RAD21: variants seen among roughly 807,000 people sequenced by gnomAD.
RAD21 encodes double-strand-break repair protein rad21 homolog.
In RAD21, 18 loss-of-function variants were observed where a neutral mutation model predicts 71.5. That is an observed-to-expected ratio of 0.25 (90% CI 0.17 to 0.37). The LOEUF (loss-of-function observed/expected upper bound fraction) is 0.37, where lower values mean the gene tolerates loss of function less well. Ranked by LOEUF, RAD21 falls within the 10% of genes least tolerant of loss-of-function variation. The pLI is 1.00. For missense variants in RAD21, 493 were observed against 769.1 expected (o/e 0.64, Z 4.25); for synonymous variants, 248 against 254.0 (o/e 0.98, Z 0.22).
intron 3 of RAD21, 49 bp from the exon 4 acceptor site, chr8:116,861,989 T>C (rs1292149308): frequency 2.8e-6 from 4 of 1,422,954 alleles, no homozygotes; most frequent in East Asian, 2.3e-5. Flanking sequence ...ATAAATTATC[T>C]AGGGATCAGA....
intron 1 of RAD21, among the ~76,000 whole-genome samples, chr8:116,873,394 C>T (rs1300380340): frequency 6.6e-6 from 1 of 152,142 alleles, no homozygotes; most frequent in Non-Finnish European, 1.5e-5. Context: ...AATTAGTTGC[C>T]TCCGACATTA....
chr8:116,861,082 A>G (rs931833852), intron 4 of RAD21, among the ~76,000 whole-genome samples: 13 of 152,162 alleles, frequency 8.5e-5, no homozygotes, highest in Non-Finnish European at 2.9e-5. Flanking sequence ...AAAGAGAGAA[A>G]AAAGTAAAAT....
rs943600679 is a variant in RAD21, at chr8:116,874,740, C to A, written c.-162G>T. ...GAGCAGCTCCCGCCGCCGCCACAGC[C>A]GGCGCCTCCTTTCCGATTCACTCAA... On this transcript the variant is annotated 5_prime_UTR_variant, in exon 1 of 14. Transcript: ENST00000297338. 64 of 454,344 alleles carry A rather than the reference C, an allele frequency of 1.4e-4. No homozygotes were observed. Among genetic ancestry groups the A allele is most frequent in the Non-Finnish European group, 2.4e-4 (54 of 225,712 alleles). The allele number at this position is 454,344 out of a possible 1,614,324, so 28.1% of individuals were successfully genotyped here. A position where few individuals can be genotyped will look rare whatever the true frequency, so the allele number is the denominator to read the frequency against.
At chr8:116,849,983 C>T (rs1166957336) in intron 12 of RAD21, among the ~76,000 whole-genome samples, 1 of 152,018 alleles carries the variant, frequency 6.6e-6, no homozygotes, top group Admixed American at 6.6e-5. Context: ...GAGTATCAAA[C>T]AGAAGAATAA....
intron 1 of RAD21, among the ~76,000 whole-genome samples, chr8:116,873,217 T>C (rs963213994): frequency 6.6e-6 from 1 of 152,212 alleles, no homozygotes; most frequent in Non-Finnish European, 1.5e-5. Context: ...AGAATTTGTA[T>C]GTTTCACAAA....
In RAD21 at chr8:116,846,294, T is replaced by A. The variant is rs189612341; in HGVS notation, c.*1206A>T. 1.0e-3 allele frequency: 224 copies of A among 218,086 alleles called. No individual in the cohort carries two copies. The East Asian group carries it at 0.014, about 13-fold the overall frequency. 13.5% of individuals were successfully genotyped at this position (218,086 alleles called of 1,614,324 possible). A position where few individuals can be genotyped will look rare whatever the true frequency, so the allele number is the denominator to read the frequency against. ...ACTGAAGTCTGAGTTTCAAAAGTGA[T>A]TTTTTTTTCCCACAAAAGTTTCAAC... is the stretch of plus-strand genomic sequence containing the variant. On this transcript the variant is annotated 3_prime_UTR_variant, in exon 14 of 14. Transcript: ENST00000297338.
intron 11 of RAD21, 47 bp downstream of exon 11, chr8:116,851,901 T>TGTATGAAG (rs1812356537): frequency 6.4e-7 from 1 of 1,553,376 alleles, no homozygotes; most frequent in Non-Finnish European, 8.8e-7. Flanking sequence ...TGCTACTGAC[T>TGTATGAAG]GTATGAATAC....
chr8:116,866,500 T>TA, intron 2 of RAD21, 86 bp downstream of exon 2: 1 of 1,324,860 alleles, frequency 7.5e-7, no homozygotes, highest in South Asian at 1.6e-5. Context: ...CCAATGCCCC[T>TA]ACCTAAAAAA....
At position 116,856,209 on chromosome 8, in the gene RAD21, T is replaced by C. The variant is rs1310377476; in HGVS notation, c.894A>G (p.Pro298=). The change falls in exon 8 of 14, where the codon CCA becomes CCG. Residue 298 remains proline, a synonymous_variant. Transcript: ENST00000297338. ...CCAATGCAAATGCTTCTTCCTCATT[T>C]GGAACAAGTGTTGTTTGATCAGTCA... ...PTMTDQTTLV[P]NEEEAFALEP... 1 of 1,609,176 alleles carries C rather than the reference T, an allele frequency of 6.2e-7. No individual in the cohort carries two copies. The highest frequency in any genetic ancestry group is 2.2e-5 in the East Asian group (1 of 44,572).
At chr8:116,849,969 G>A (rs1452478266) in intron 12 of RAD21, among the ~76,000 whole-genome samples, 2 of 151,876 alleles carry the variant, frequency 1.3e-5, no homozygotes. Flanking sequence ...TAACATATCC[G>A]ATAGAGTATC....
intron 13 of RAD21, among the ~76,000 whole-genome samples, chr8:116,848,345 A>G (rs1438000023): frequency 6.6e-6 from 1 of 152,252 alleles, no homozygotes; most frequent in Non-Finnish European, 1.5e-5. Context: ...TTGTTCTGAC[A>G]TGTATTATTA....
chr8:116,856,782 G>C lies in RAD21; in HGVS notation c.689-11C>G, dbSNP rs978613130. 6.7e-7 allele frequency: 1 copy of C among 1,489,962 alleles called. No homozygotes were observed. Among genetic ancestry groups the C allele is most frequent in the Middle Eastern group, 1.8e-4 (1 of 5,620 alleles). 92.3% of individuals were successfully genotyped at this position (1,489,962 alleles called of 1,614,324 possible). ...TAATAAGTTTGTCATCTGAAATAGGGAATGTAAGTTAGTTATAATTTGAAA... is the reference window on the plus strand; with the variant it reads ...TAATAAGTTTGTCATCTGAAATAGGCAATGTAAGTTAGTTATAATTTGAAA... On this transcript the variant is annotated splice_polypyrimidine_tract_variant and intron_variant, in intron 6 of 13. Coordinates refer to ENST00000297338, the MANE Select transcript of RAD21 (RefSeq NM_006265.3).
chr8:116,869,880 T>A (rs1290479219), intron 1 of RAD21, among the ~76,000 whole-genome samples: 1 of 152,244 alleles, frequency 6.6e-6, no homozygotes, highest in Non-Finnish European at 1.5e-5. Flanking sequence ...TCACAGTCTG[T>A]AAATCTTAAA....
chr8:116,866,476 A>T, intron 2 of RAD21, 110 bp downstream of exon 2: 1 of 918,858 alleles, frequency 1.1e-6, no homozygotes. Context: ...ATTTCTAAGG[A>T]TTTTCCTTGC....
chr8:116,853,802 G>C lies in RAD21; in HGVS notation c.1161+443C>G, dbSNP rs140213274. 6.6e-4 allele frequency among the ~76,000 whole-genome samples: 101 copies of C among 152,130 alleles called. 1 individual carries two copies. Among genetic ancestry groups the C allele is most frequent in the Middle Eastern group, 6.8e-3 (2 of 292 alleles). On this transcript the variant is annotated intron_variant, in intron 9 of 13. Coordinates refer to ENST00000297338, the MANE Select transcript of RAD21 (RefSeq NM_006265.3). ...CTTATTTTGGAATACTGTGGAATGTGAGCAGAAAAGAGCCTATAAATGGAA... is the reference window on the plus strand; with the variant it reads ...CTTATTTTGGAATACTGTGGAATGTCAGCAGAAAAGAGCCTATAAATGGAA...
intron 5 of RAD21, 82 bp downstream of exon 5, chr8:116,858,270 T>C (rs550292472): frequency 9.9e-5 from 105 of 1,061,456 alleles, no homozygotes; most frequent in Middle Eastern, 3.0e-4. Context: ...TTTCTGTCTA[T>C]AGTCTGGTTT....
At chr8:116,865,983 G>A (rs549053111) in intron 2 of RAD21, among the ~76,000 whole-genome samples, 6 of 152,226 alleles carry the variant, frequency 3.9e-5, no homozygotes, top group Non-Finnish European at 5.9e-5. Context: ...GGGTTCACAC[G>A]TGGTGTTATA....
chr8:116,862,857 G>T (rs1347422162), intron 3 of RAD21, among the ~76,000 whole-genome samples: 1 of 152,008 alleles, frequency 6.6e-6, no homozygotes, highest in Non-Finnish European at 1.5e-5. Context: ...TCAAGTCTAT[G>T]TAAGCTGCTG....
At position 116,863,179 on chromosome 8, in the gene RAD21, A is replaced by C; in HGVS notation, c.225T>G (p.Leu75=). 6.2e-7 allele frequency: 1 copy of C among 1,612,406 alleles called. No homozygotes were observed. The highest frequency in any genetic ancestry group is 8.5e-7 in the Non-Finnish European group (1 of 1,178,780). Residue 75 remains leucine (L), a synonymous_variant, in exon 3 of 14, where the codon CTT becomes CTG. Transcript: ENST00000297338. ...TAATGAATGCTTCATTACAGTCTGCAAGAAGGTATTTGGCTTTCCTGTGAT... is the reference window on the plus strand; with the variant it reads ...TAATGAATGCTTCATTACAGTCTGCCAGAAGGTATTTGGCTTTCCTGTGAT... ...RIYHRKAKYL[L]ADCNEAFIKI...
Sources: allele counts gnomAD v4.1 joint callset (sites outside exome capture counted in the v4.1 genomes callset), GRCh38; gene constraint gnomAD v4.1.1; transcripts MANE v1.5; gene names NCBI Gene and HGNC (gene_info 2026-07-23, HGNC 2026-07-21).